The following CYP2C19 variants were observed in gnomAD, a reference collection of about 807,000 sequenced individuals.
CYP2C19 encodes the protein cytochrome P450 2C19.
A neutral mutation model predicts 40.9 loss-of-function variants in CYP2C19; 59 were observed. The ratio of observed to expected loss-of-function variants is 1.44; its 90% CI spans 1.17 to 1.79. The LOEUF is 1.79. Ranked by LOEUF, CYP2C19 falls within the 40% of genes most tolerant of loss-of-function variation. CYP2C19 has a pLI of 0.00. For missense variants in CYP2C19, 754 were observed against 596.9 expected (o/e 1.26, Z -2.74); for synonymous variants, 253 against 208.7 (o/e 1.21, Z -1.83).
chr10:94,848,508 G>A (rs1849606081), intron 7 of CYP2C19, among the ~76,000 whole-genome samples: 1 of 152,176 alleles, frequency 6.6e-6, no homozygotes, highest in African/African-American at 2.4e-5. Context: ...AAGTCAGGTA[G>A]TGTGATGCCT....
chr10:94,797,395 A>C (rs1465737034), intron 5 of CYP2C19, among the ~76,000 whole-genome samples: 1 of 152,036 alleles, frequency 6.6e-6, no homozygotes, highest in Non-Finnish European at 1.5e-5. Flanking sequence ...TCGGTTTGCC[A>C]GTATTTTTTT....
At chr10:94,777,809 T>A (rs1848428693) in intron 3 of CYP2C19, among the ~76,000 whole-genome samples, 1 of 151,778 alleles carries the variant, frequency 6.6e-6, no homozygotes, top group Admixed American at 6.6e-5. Context: ...AATGGTAAAC[T>A]AAAGAGCTTC....
chr10:94,778,525 T>C (rs1848440302), intron 3 of CYP2C19, among the ~76,000 whole-genome samples: 1 of 152,152 alleles, frequency 6.6e-6, no homozygotes, highest in Non-Finnish European at 1.5e-5. Flanking sequence ...AAAAAGCTCA[T>C]CACTGGTCAT....
At chr10:94,828,277 A>G (rs1490703278) in intron 6 of CYP2C19, among the ~76,000 whole-genome samples, 2 of 151,432 alleles carry the variant, frequency 1.3e-5, no homozygotes, top group Non-Finnish European at 3.0e-5. Context: ...AAAGTCTCCC[A>G]TTATTAATGT....
At chr10:94,762,983 A>C in intron 1 of CYP2C19, 110 bp downstream of exon 1, 1 of 1,163,848 alleles carries the variant, frequency 8.6e-7, no homozygotes, top group Non-Finnish European at 1.3e-6. Flanking sequence ...TGTAAAGTAA[A>C]ATACTTTGAA....
chr10:94,783,440 G>A (rs776231219), intron 5 of CYP2C19, among the ~76,000 whole-genome samples: 33 of 152,092 alleles, frequency 2.2e-4, no homozygotes, highest in Non-Finnish European at 5.9e-5. Flanking sequence ...TTCATTGAGT[G>A]TAAACTAAAA....
At chr10:94,811,211 C>T (rs2984318) in intron 5 of CYP2C19, among the ~76,000 whole-genome samples, 47 of 152,126 alleles carry the variant, frequency 3.1e-4, no homozygotes, top group South Asian at 6.2e-4. Context: ...TTCTTAATCC[C>T]GAGTTTTAAT....
intron 6 of CYP2C19, among the ~76,000 whole-genome samples, chr10:94,839,919 A>T (rs1397328766): frequency 6.6e-6 from 1 of 152,156 alleles, no homozygotes; most frequent in Non-Finnish European, 1.5e-5. Flanking sequence ...GAGTTACGTT[A>T]CCTTTTTCTA....
At chr10:94,833,503 G>C (rs188058022) in intron 6 of CYP2C19, among the ~76,000 whole-genome samples, 170 of 151,908 alleles carry the variant, frequency 1.1e-3, no homozygotes, top group Admixed American at 3.1e-3. Flanking sequence ...ACATTGTGCA[G>C]GTTAGTTACA....
intron 1 of CYP2C19, among the ~76,000 whole-genome samples, chr10:94,766,140 A>C (rs185648054): frequency 1.3e-5 from 2 of 152,224 alleles, no homozygotes; most frequent in Non-Finnish European, 2.9e-5. Flanking sequence ...AATTTGGTAA[A>C]GATCCAGTTT....
At chr10:94,850,911 C>A (rs947600476) in intron 8 of CYP2C19, among the ~76,000 whole-genome samples, 7 of 152,166 alleles carry the variant, frequency 4.6e-5, no homozygotes, top group African/African-American at 1.7e-4. Flanking sequence ...TGTTTGATCT[C>A]CACACGTGAA....
intron 5 of CYP2C19, among the ~76,000 whole-genome samples, chr10:94,793,868 A>G (rs943626844): frequency 2.6e-4 from 40 of 152,068 alleles, no homozygotes; most frequent in African/African-American, 9.7e-4. Flanking sequence ...GTTGGGAGAA[A>G]CACCACTTTC....
At chr10:94,777,064 G>A (rs1848416802) in intron 3 of CYP2C19, among the ~76,000 whole-genome samples, 1 of 151,990 alleles carries the variant, frequency 6.6e-6, no homozygotes. Context: ...GCTACAAAGA[G>A]AATAAAATGG....
At chr10:94,844,996 G>A (rs1318580917) in intron 7 of CYP2C19, among the ~76,000 whole-genome samples, 1 of 152,018 alleles carries the variant, frequency 6.6e-6, no homozygotes, top group Non-Finnish European at 1.5e-5. Flanking sequence ...GGTGTCTTTT[G>A]AGCCCTGAGA....
intron 3 of CYP2C19, 78 bp from the exon 4 acceptor site, chr10:94,780,421 A>G (rs1235308621): frequency 1.5e-5 from 23 of 1,558,442 alleles, no homozygotes; most frequent in East Asian, 4.5e-5. Context: ...TTTCTAAACT[A>G]TTATTATCTG....
At chr10:94,823,224 A>T (rs1245749044) in intron 6 of CYP2C19, among the ~76,000 whole-genome samples, 3 of 152,154 alleles carry the variant, frequency 2.0e-5, no homozygotes, top group Admixed American at 1.3e-4. Context: ...TTGAAAAACG[A>T]GGCTCTCTCT....
At chr10:94,826,405 A>G (rs1849222638) in intron 6 of CYP2C19, among the ~76,000 whole-genome samples, 1 of 152,012 alleles carries the variant, frequency 6.6e-6, no homozygotes, top group South Asian at 2.1e-4. Flanking sequence ...TAGGTATTTT[A>G]TTCTCTTTGA....
chr10:94,790,048 G>A (rs1235884741), intron 5 of CYP2C19, among the ~76,000 whole-genome samples: 3 of 152,152 alleles, frequency 2.0e-5, no homozygotes, highest in African/African-American at 7.2e-5. Context: ...TCTCCTTGAA[G>A]AGGTCCTTCA....
intron 3 of CYP2C19, 106 bp downstream of exon 3, chr10:94,775,645 GGTT>G: frequency 6.3e-7 from 1 of 1,588,556 alleles, no homozygotes; most frequent in Non-Finnish European, 8.6e-7. Context: ...TTGGAGTCCT[GGTT>G]GTTAGCTCAT....
Sources: gnomAD v4.1 joint callset for allele counts (sites outside exome capture counted in the v4.1 genomes callset) on GRCh38, gnomAD v4.1.1 for gene constraint, MANE v1.5 for transcripts, NCBI Gene and HGNC (gene_info 2026-07-23, HGNC 2026-07-21) for gene names.